Variants in NKAIN2 observed in about 807,000 individuals in gnomAD.
NKAIN2 encodes the protein sodium/potassium transporting ATPase interacting 2.
Under a neutral mutation model 32.6 loss-of-function variants are expected in NKAIN2, and 14 were observed. That is an observed-to-expected ratio of 0.43 (90% CI 0.28 to 0.67). The LOEUF (loss-of-function observed/expected upper bound fraction) is 0.67, where lower values mean the gene tolerates loss of function less well. Ranked by LOEUF, NKAIN2 falls within the 30% of genes least tolerant of loss-of-function variation. NKAIN2 has a pLI of 0.17. For missense variants in NKAIN2, 198 were observed against 258.3 expected (o/e 0.77, Z 1.60); for synonymous variants, 80 against 87.2 (o/e 0.92, Z 0.46).
intron 3 of NKAIN2, among the ~76,000 whole-genome samples, chr6:124,481,715 T>C (rs1380445336): frequency 6.6e-6 from 1 of 152,160 alleles, no homozygotes; most frequent in East Asian, 1.9e-4. Context: ...GCTTGTAAAA[T>C]TTATTTTCAC....
intron 4 of NKAIN2, among the ~76,000 whole-genome samples, chr6:124,692,640 C>A (rs555370226): frequency 5.3e-5 from 8 of 151,946 alleles, no homozygotes; most frequent in Non-Finnish European, 1.2e-4. Context: ...CACAGTGAAA[C>A]CCTGTCTCTA....
intron 1 of NKAIN2, among the ~76,000 whole-genome samples, chr6:124,040,911 T>C (rs1341506851): frequency 1.3e-5 from 2 of 152,090 alleles, no homozygotes; most frequent in African/African-American, 2.4e-5. Flanking sequence ...TCCTAGTTCA[T>C]AGAGTTCAAT....
intron 4 of NKAIN2, among the ~76,000 whole-genome samples, chr6:124,721,768 A>G (rs1379068851): frequency 1.3e-5 from 2 of 152,140 alleles, no homozygotes; most frequent in Non-Finnish European, 2.9e-5. Context: ...TGGTGCCTCA[A>G]TGTACTGTCA....
At chr6:124,491,901 G>A (rs1401645727) in intron 3 of NKAIN2, among the ~76,000 whole-genome samples, 1 of 151,802 alleles carries the variant, frequency 6.6e-6, no homozygotes. Flanking sequence ...ATCTGCATAG[G>A]GATATGCCCA....
rs141574522 is a variant in NKAIN2, at chr6:123,964,663, T to C, written c.54+160409T>C. 5.5e-3 allele frequency among the ~76,000 whole-genome samples: 830 copies of C among 152,246 alleles called. 4 individuals are homozygous for C. The highest frequency in any genetic ancestry group is 0.018 in the African/African-American group (751 of 41,540). On this transcript the variant is annotated intron_variant, in intron 1 of 6. Transcript: ENST00000368417. The surrounding 1 kb of genome is among the most constrained non-coding windows in gnomAD (Gnocchi z 4.0). ...GAGAAAATGTCAAACGGTTTTGGAG[T>C]GTTGCCCAGCCACTTTCCTGTACTC...
intron 1 of NKAIN2, among the ~76,000 whole-genome samples, chr6:124,176,945 AG>A (rs1489878656): frequency 3.3e-5 from 5 of 152,042 alleles, no homozygotes; most frequent in Admixed American, 3.3e-4. Context: ...AGTCTTTCCT[AG>A]TATGACTTTT....
intron 2 of NKAIN2, among the ~76,000 whole-genome samples, chr6:124,293,138 T>A (rs1523975): frequency 0.27 from 40,586 of 151,908 alleles, 6,881 homozygotes; most frequent in African/African-American, 0.48. Context: ...CTTTACTATA[T>A]TTAAGTAGTT....
At chr6:124,727,360 T>C (rs568846562) in intron 4 of NKAIN2, among the ~76,000 whole-genome samples, 4 of 152,266 alleles carry the variant, frequency 2.6e-5, no homozygotes, top group Non-Finnish European at 5.9e-5. Flanking sequence ...GTGGATCTCT[T>C]GGCAGAAACC....
chr6:124,336,682 G>GTTTGT (rs1562497276), intron 2 of NKAIN2, among the ~76,000 whole-genome samples: 2 of 142,364 alleles, frequency 1.4e-5, no homozygotes, highest in Non-Finnish European at 1.5e-5. Flanking sequence ...TTTTTTGTTT[G>GTTTGT]TTTTTTTTTT....
chr6:124,004,013 G>A (rs1238418988), intron 1 of NKAIN2, among the ~76,000 whole-genome samples: 2 of 152,206 alleles, frequency 1.3e-5, no homozygotes, highest in Non-Finnish European at 2.9e-5. Context: ...GGATTTTTGT[G>A]TGCATGTTCC....
intron 1 of NKAIN2, among the ~76,000 whole-genome samples, chr6:123,960,901 A>T (rs1254488274): frequency 6.6e-6 from 1 of 152,028 alleles, no homozygotes; most frequent in Non-Finnish European, 1.5e-5. Context: ...ATCCTAGGCA[A>T]CAATGCAAGT....
intron 1 of NKAIN2, among the ~76,000 whole-genome samples, chr6:124,128,310 A>G (rs1450174575): frequency 6.6e-6 from 1 of 152,234 alleles, no homozygotes. Flanking sequence ...ATAGATAGCT[A>G]TTGAGCACTT....
intron 3 of NKAIN2, among the ~76,000 whole-genome samples, chr6:124,548,622 A>T (rs1780180608): frequency 2.0e-5 from 3 of 152,192 alleles, no homozygotes; most frequent in Non-Finnish European, 4.4e-5. Context: ...GCTTGTGTAC[A>T]CCTTTTAAAA....
chr6:123,893,659 C>T (rs989191364), intron 1 of NKAIN2, among the ~76,000 whole-genome samples: 13 of 152,198 alleles, frequency 8.5e-5, no homozygotes, highest in Non-Finnish European at 1.5e-4. Flanking sequence ...GAGCAAAGCT[C>T]AGGGCTTAGG....
chr6:124,405,537 C>CTTTTTTTTTTT, intron 3 of NKAIN2, among the ~76,000 whole-genome samples: 1 of 139,352 alleles, frequency 7.2e-6, no homozygotes, highest in Non-Finnish European at 1.6e-5. Flanking sequence ...TTTGTTTTGT[C>CTTTTTTTTTTT]TTTTTTTTTT....
chr6:124,385,086 A>T (rs937531384), intron 3 of NKAIN2, among the ~76,000 whole-genome samples: 3 of 152,218 alleles, frequency 2.0e-5, no homozygotes, highest in Admixed American at 6.5e-5. Context: ...ATGAGAAAAT[A>T]GCTGCAGAAA....
chr6:124,657,132 G>A (rs1046972332), intron 3 of NKAIN2, among the ~76,000 whole-genome samples: 6 of 152,162 alleles, frequency 3.9e-5, no homozygotes, highest in Non-Finnish European at 8.8e-5. Context: ...ATGTGAGTGT[G>A]TGGCTCCACG....
chr6:123,851,244 A>ATTTTTTT lies in NKAIN2; in HGVS notation c.54+47007_54+47013dup, dbSNP rs59287833. 5.3e-4 allele frequency among the ~76,000 whole-genome samples: 47 copies of ATTTTTTT among 88,190 alleles called. 3 individuals are homozygous for ATTTTTTT. Among genetic ancestry groups the ATTTTTTT allele is most frequent in the East Asian group, 1.2e-3 (3 of 2,510 alleles). 57.9% of individuals were successfully genotyped at this position (88,190 alleles called of 152,430 possible). ...GATTGCTGGATCATATGGTGGTTCT[A>ATTTTTTT]TTTTTTTTTTTTTTTTTTTTTTTGA... On this transcript the variant is annotated intron_variant, in intron 1 of 6. Coordinates refer to ENST00000368417, the MANE Select transcript of NKAIN2 (RefSeq NM_001040214.3).
At chr6:124,627,814 C>A (rs548239980) in intron 3 of NKAIN2, among the ~76,000 whole-genome samples, 13 of 152,206 alleles carry the variant, frequency 8.5e-5, no homozygotes, top group African/African-American at 3.1e-4. Flanking sequence ...ACCTCACCAC[C>A]CCCACGGCGA....
Sources: gnomAD v4.1 joint callset for allele counts (sites outside exome capture counted in the v4.1 genomes callset) on GRCh38, gnomAD v4.1.1 for gene constraint, Gnocchi (gnomAD v3.1) non-coding constraint, MANE v1.5 for transcripts, NCBI Gene and HGNC (gene_info 2026-07-23, HGNC 2026-07-21) for gene names.